The following UQCC1 variants were observed in gnomAD, a reference collection of about 807,000 sequenced individuals.
The protein encoded by UQCC1 is bFGF-repressed Zic-binding protein.
UQCC1 carries 38 observed loss-of-function variants against 48.0 expected under a neutral mutation model. That is an observed-to-expected ratio of 0.79 (90% CI 0.61 to 1.04). UQCC1 has a LOEUF of 1.04. UQCC1 is among the 50% of genes least tolerant of loss of function. The pLI is 0.00. For synonymous variants in UQCC1, 111 were observed against 129.2 expected (o/e 0.86, Z 0.95); for missense variants, 368 against 381.8 (o/e 0.96, Z 0.30).
At chr20:35,342,405 T>C (rs1225071214) in intron 7 of UQCC1, among the ~76,000 whole-genome samples, 1 of 152,182 alleles carries the variant, frequency 6.6e-6, no homozygotes, top group East Asian at 1.9e-4. Context: ...TTAAGTTTGG[T>C]TGAAATGTCA....
At chr20:35,317,486 G>A (rs751603832) in intron 7 of UQCC1, among the ~76,000 whole-genome samples, 1 of 152,232 alleles carries the variant, frequency 6.6e-6, no homozygotes, top group East Asian at 1.9e-4. Flanking sequence ...TAGACTGGAT[G>A]TAACTAGGAG....
chr20:35,369,437 A>G (rs997657722), intron 5 of UQCC1, among the ~76,000 whole-genome samples: 2 of 152,254 alleles, frequency 1.3e-5, no homozygotes, highest in Admixed American at 6.5e-5. Flanking sequence ...TCTTGCTCCA[A>G]TGCACATTCA....
At chr20:35,353,594 C>T (rs998564747) in intron 6 of UQCC1, among the ~76,000 whole-genome samples, 50 of 151,918 alleles carry the variant, frequency 3.3e-4, no homozygotes, top group African/African-American at 1.2e-3. Flanking sequence ...AGTTCAAGAC[C>T]AACCAAGGTA....
chr20:35,382,133 G>A (rs1255199333), intron 3 of UQCC1, 108 bp from the exon 4 acceptor site: 1 of 632,508 alleles, frequency 1.6e-6, no homozygotes, highest in South Asian at 1.9e-5. Context: ...TACAGTCAGG[G>A]TCTCCTCCCC....
In UQCC1 at chr20:35,326,577, A is replaced by G. The variant is rs77422622; in HGVS notation, c.574-11812T>C. On this transcript the variant is annotated intron_variant, in intron 7 of 9. Transcript: ENST00000374385. Reference sequence around the variant, plus strand: ...GCCTAGGAGCCTGAGCCCCTTTTCCAGTAATTTGTTCACTACATGTAGGTC... The same window carrying G: ...GCCTAGGAGCCTGAGCCCCTTTTCCGGTAATTTGTTCACTACATGTAGGTC... 9.7e-3 allele frequency among the ~76,000 whole-genome samples: 1,484 copies of G among 152,258 alleles called. 8 individuals are homozygous for G. The highest frequency in any genetic ancestry group is 0.015 in the Non-Finnish European group (1,006 of 68,024).
Position 35,347,229 on chromosome 20 carries a change from A to G in UQCC1, c.508T>C (p.Tyr170His), listed in dbSNP as rs1272446234. The change falls in exon 7 of 10, where the codon TAC (tyrosine) becomes CAC (histidine). Residue 170 changes from tyrosine to histidine, a missense_variant. Transcript: ENST00000374385. The part of the protein sequence containing the change: ...RMKQEGRSGK[Y>H]MCRIIVHFMW... ...AAATGAACTATGATACGACACATGT[A>G]CTTCCCACTCCGGCCTTCCTGCTTC... is the stretch of plus-strand genomic sequence containing the variant. The G allele has an allele frequency of 1.1e-5, 17 of 1,614,030 alleles. No homozygotes were observed.
Position 35,303,683 on chromosome 20 carries a change from ACT to A in UQCC1, c.*250_*251del. 1.9e-6 allele frequency: 1 copy of A among 517,830 alleles called. No individual in the cohort carries two copies. 32.1% of individuals were successfully genotyped at this position (517,830 alleles called of 1,614,324 possible). A position where few individuals can be genotyped will look rare whatever the true frequency, so the allele number is the denominator to read the frequency against. On this transcript the variant is annotated 3_prime_UTR_variant, in exon 10 of 10. Coordinates refer to ENST00000374385, the MANE Select transcript of UQCC1 (RefSeq NM_018244.5). ...GGGGTTGGGGAGTGTGTGCTGGGGG[ACT>A]CTCACTCGGGGCTTCCCCTAAGGGA...
At chr20:35,306,288 A>G (rs2425054) in intron 9 of UQCC1, among the ~76,000 whole-genome samples, 43,984 of 152,006 alleles carry the variant, frequency 0.29, 6,577 homozygotes, top group Middle Eastern at 0.37. Flanking sequence ...CCAAGTGGGT[A>G]GAGAAGGGGT....
chr20:35,393,710 A>C lies in UQCC1; in HGVS notation c.129+382T>G, dbSNP rs79223596. Among the ~76,000 whole-genome samples, 28 of 152,318 alleles carry C rather than the reference A, an allele frequency of 1.8e-4. No individual in the cohort carries two copies. The East Asian group carries it at 5.2e-3, about 28-fold the overall frequency. ...GTGGTCAATGGTAAATGAATACCTC[A>C]AATAATTGTTTCTTGGATTTTATAT... On this transcript the variant is annotated intron_variant, in intron 2 of 9. Transcript: ENST00000374385.
At chr20:35,304,173 G>A in intron 9 of UQCC1, 104 bp from the exon 10 acceptor site, 1 of 1,468,166 alleles carries the variant, frequency 6.8e-7, no homozygotes, top group Non-Finnish European at 9.3e-7. Context: ...AAGGGGACGG[G>A]GCATGAGGGG....
chr20:35,384,641 C>A, intron 2 of UQCC1: 1 of 422,668 alleles, frequency 2.4e-6, no homozygotes, highest in South Asian at 1.6e-5. Context: ...GAGCAAGACC[C>A]TGTCTGTAAA....
At chr20:35,321,694 CAT>C (rs1234005435) in intron 7 of UQCC1, among the ~76,000 whole-genome samples, 1 of 152,154 alleles carries the variant, frequency 6.6e-6, no homozygotes, top group Non-Finnish European at 1.5e-5. Context: ...GTCTCTACAA[CAT>C]AGTAATAATA....
intron 7 of UQCC1, among the ~76,000 whole-genome samples, chr20:35,331,740 C>G (rs1225768226): frequency 2.0e-5 from 3 of 152,284 alleles, no homozygotes; most frequent in Middle Eastern, 3.4e-3. Context: ...CCAGGCAGAA[C>G]AGGAGACGGA....
intron 7 of UQCC1, among the ~76,000 whole-genome samples, chr20:35,336,936 A>G (rs1295618071): frequency 6.6e-6 from 1 of 152,242 alleles, no homozygotes; most frequent in African/African-American, 2.4e-5. Context: ...CAAGTTTCAC[A>G]TGTCGTTAGC....
chr20:35,330,126 A>C (rs1376753774), intron 7 of UQCC1, among the ~76,000 whole-genome samples: 1 of 152,236 alleles, frequency 6.6e-6, no homozygotes, highest in Non-Finnish European at 1.5e-5. Flanking sequence ...TGCTGACCTT[A>C]AGAGAAAAGG....
chr20:35,389,694 TAC>T (rs1234049214), intron 2 of UQCC1, among the ~76,000 whole-genome samples: 3 of 152,252 alleles, frequency 2.0e-5, no homozygotes, highest in Non-Finnish European at 4.4e-5. Flanking sequence ...AGCTCTTTCT[TAC>T]AACAGAGTTC....
rs1427834637 is a variant in UQCC1, at chr20:35,410,725, C to CAAAA, written c.24+1211_24+1214dup. Among the ~76,000 whole-genome samples the CAAAA allele has an allele frequency of 6.4e-3, 144 of 22,362 alleles. 4 individuals carry two copies. The highest frequency in any genetic ancestry group is 0.023 in the African/African-American group (136 of 5,978). The allele number at this position is 22,362 out of a possible 152,430, so 14.7% of individuals were successfully genotyped here. On this transcript the variant is annotated intron_variant, in intron 1 of 9. Coordinates refer to ENST00000374385, the MANE Select transcript of UQCC1 (RefSeq NM_018244.5). ...GCCTCAAAAAAAAAAAAAAAAAAAA[C>CAAAA]AAAACCCTAAAGGGTGGCAGGGGAA... is the stretch of plus-strand genomic sequence containing the variant.
At chr20:35,382,151 G>A in intron 3 of UQCC1, 126 bp from the exon 4 acceptor site, 1 of 570,158 alleles carries the variant, frequency 1.8e-6, no homozygotes, top group South Asian at 2.1e-5. Context: ...CCCTCACCCA[G>A]GCTAAAGTGA....
intron 7 of UQCC1, among the ~76,000 whole-genome samples, chr20:35,319,004 C>T (rs2061093617): frequency 6.6e-6 from 1 of 152,192 alleles, no homozygotes. Context: ...TAGTGTTGGG[C>T]CGTTCTCTTA....
Sources: gnomAD v4.1 joint callset for allele counts (sites outside exome capture counted in the v4.1 genomes callset) on GRCh38, gnomAD v4.1.1 for gene constraint, MANE v1.5 for transcripts, NCBI Gene and HGNC (gene_info 2026-07-23, HGNC 2026-07-21) for gene names.